CTNND1: variants seen among roughly 807,000 people sequenced by gnomAD.
CTNND1 encodes catenin delta-1.
In CTNND1, 16 loss-of-function variants were observed where a neutral mutation model predicts 112.1. The observed-to-expected ratio is 0.14, with a 90% CI of 0.10 to 0.22. CTNND1 has a LOEUF of 0.22. Ranked by LOEUF, CTNND1 falls within the 10% of genes least tolerant of loss-of-function variation. The pLI, the probability that CTNND1 is intolerant of heterozygous loss-of-function variation, is 1.00. For missense variants in CTNND1, 1,008 were observed against 1,257.0 expected (o/e 0.80, Z 3.00); for synonymous variants, 420 against 446.5 (o/e 0.94, Z 0.75).
rs770959244 is a variant in CTNND1 at position 57,814,298 on chromosome 11, TG to T, written c.2639-12del. 2.5e-6 allele frequency: 4 copies of T among 1,605,376 alleles called. No individual in the cohort carries two copies. In the Admixed American group the frequency reaches 6.7e-5, roughly 27 times the overall value. On this transcript the variant is annotated splice_polypyrimidine_tract_variant and intron_variant, in intron 17 of 20. Coordinates refer to ENST00000399050, the MANE Select transcript of CTNND1 (RefSeq NM_001085458.2). ...ATTGTTTTTGACATGGATAACTTTC[TG>T]ACTTCATACAGATAAGAAACCTGAT...
chr11:57,782,570 T>C (rs2059690124), intron 1 of CTNND1, among the ~76,000 whole-genome samples: 1 of 152,226 alleles, frequency 6.6e-6, no homozygotes, highest in African/African-American at 2.4e-5. Context: ...ATGGCTCAGC[T>C]GGAACAGTTG....
chr11:57,815,524 A>C (rs764497555), intron 19 of CTNND1, 24 bp downstream of exon 19: 2 of 1,529,302 alleles, frequency 1.3e-6, no homozygotes, highest in Middle Eastern at 1.7e-4. Flanking sequence ...ATATACTGCT[A>C]TCTGTCTAAG....
chr11:57,778,308 G>A (rs954337367), intron 1 of CTNND1, among the ~76,000 whole-genome samples: 13 of 151,992 alleles, frequency 8.6e-5, no homozygotes, highest in African/African-American at 3.1e-4. Context: ...TGATAGGGAA[G>A]GTGAAGTTCC....
chr11:57,814,326 G>A lies in CTNND1; in HGVS notation c.2654G>A (p.Arg885Gln), dbSNP rs371654993. Reference sequence around the variant, plus strand: ...CTTCATACAGATAAGAAACCTGATCGGGAAGAAATTCAGATGAGCAATATG... The same window carrying A: ...CTTCATACAGATAAGAAACCTGATCAGGAAGAAATTCAGATGAGCAATATG... ...RNQKSDKKPD[R>Q]EEIQMSNMGS... The change falls in exon 18 of 21, where the codon CGG becomes CAG. Residue 885 changes from arginine to glutamine, a missense_variant. This residue lies in a region of CTNND1 where 106 missense variants were observed against 116.2 expected (regional missense o/e 0.91). Transcript: ENST00000399050. 5.0e-6 allele frequency: 8 copies of A among 1,611,602 alleles called. No homozygotes were observed. The highest frequency in any genetic ancestry group is 1.3e-5 in the African/African-American group (1 of 75,014).
chr11:57,785,854 G>T (rs1209001072), intron 1 of CTNND1, among the ~76,000 whole-genome samples: 1 of 151,818 alleles, frequency 6.6e-6, no homozygotes, highest in Admixed American at 6.6e-5. Flanking sequence ...GCCGGTAAGT[G>T]ATTTTTTTGT....
intron 1 of CTNND1, among the ~76,000 whole-genome samples, chr11:57,765,890 G>A (rs1010401212): frequency 3.3e-5 from 5 of 152,134 alleles, no homozygotes; most frequent in Admixed American, 2.6e-4. Flanking sequence ...TAAGGATCTG[G>A]CCTGGTGCGG....
At chr11:57,769,252 G>C (rs1951943840) in intron 1 of CTNND1, among the ~76,000 whole-genome samples, 1 of 151,994 alleles carries the variant, frequency 6.6e-6, no homozygotes, top group South Asian at 2.1e-4. Context: ...GACCCGGGAG[G>C]TGGAGGTTGC....
Position 57,815,464 on chromosome 11 carries a change from C to T in CTNND1, c.2772C>T (p.Gly924=), listed in dbSNP as rs372445902. The change falls in exon 19 of 21, where the codon GGC becomes GGT. Residue 924 remains glycine, a synonymous_variant. Transcript: ENST00000399050. ...NRTLDRSGDL[G]DMEPLKGTTP... ...CACTGGATCGATCGGGGGATCTAGG[C>T]GACATGGAGCCATTGAAGGGAACAA... 1.6e-5 allele frequency: 25 copies of T among 1,612,000 alleles called. No individual in the cohort carries two copies. The highest frequency in any genetic ancestry group is 1.3e-4 in the African/African-American group (10 of 74,692).
intron 2 of CTNND1, among the ~76,000 whole-genome samples, chr11:57,790,928 G>T (rs2060671669): frequency 6.6e-6 from 1 of 152,012 alleles, no homozygotes; most frequent in South Asian, 2.1e-4. Context: ...CACTTCAGCA[G>T]TTTTAGTGTT....
At position 57,789,022 on chromosome 11, in the gene CTNND1, C is replaced by G. The variant is rs1367561004; in HGVS notation, c.-213-15C>G. ...TTTCCTCTCATTCCCATTTTTCCTTCAAATATTTCTGCAGCTCTCTCCTTC... is the reference window on the plus strand; with the variant it reads ...TTTCCTCTCATTCCCATTTTTCCTTGAAATATTTCTGCAGCTCTCTCCTTC... On this transcript the variant is annotated splice_polypyrimidine_tract_variant and intron_variant, in intron 1 of 20. Transcript: ENST00000399050. 2 of 1,521,162 alleles carry G rather than the reference C, an allele frequency of 1.3e-6. No individual in the cohort carries two copies. Among genetic ancestry groups the G allele is most frequent in the African/African-American group, 2.7e-5 (2 of 72,800 alleles). 94.2% of individuals were successfully genotyped at this position (1,521,162 alleles called of 1,614,324 possible).
At chr11:57,769,307 G>T (rs1446226110) in intron 1 of CTNND1, among the ~76,000 whole-genome samples, 1 of 151,592 alleles carries the variant, frequency 6.6e-6, no homozygotes, top group Non-Finnish European at 1.5e-5. Flanking sequence ...GGGCGACAGG[G>T]CGAGACTCCG....
intron 4 of CTNND1, among the ~76,000 whole-genome samples, chr11:57,795,053 G>A (rs11229131): frequency 0.25 from 37,954 of 151,942 alleles, 5,547 homozygotes; most frequent in Non-Finnish European, 0.33. Flanking sequence ...AATTAGCCAG[G>A]CATGGTGGCG....
At chr11:57,768,050 G>A (rs895188266) in intron 1 of CTNND1, among the ~76,000 whole-genome samples, 2 of 151,942 alleles carry the variant, frequency 1.3e-5, no homozygotes, top group African/African-American at 4.8e-5. Flanking sequence ...GGCCAGGCTG[G>A]TCTCGAACTC....
At chr11:57,793,970 G>A (rs1416526690) in intron 3 of CTNND1, 40 bp from the exon 4 acceptor site, 2 of 1,603,466 alleles carry the variant, frequency 1.2e-6, no homozygotes, top group Non-Finnish European at 1.7e-6. Flanking sequence ...AGCAAAAGAA[G>A]GCCACAAAAT....
At position 57,814,314 on chromosome 11, in the gene CTNND1, A is replaced by C. The variant is rs80355324; in HGVS notation, c.2642A>C (p.Lys881Thr). The stretch of plus-strand genomic sequence containing the variant: ...ATAACTTTCTGACTTCATACAGATA[A>C]GAAACCTGATCGGGAAGAAATTCAG... ...PLIDRNQKSD[K>T]KPDREEIQMS... The change falls in exon 18 of 21, where the codon AAG becomes ACG. Residue 881 changes from lysine to threonine, a missense_variant. Transcript: ENST00000399050. 1,049 of 1,611,000 alleles carry C rather than the reference A, an allele frequency of 6.5e-4. 6 individuals carry two copies. The African/African-American group carries it at 0.013, about 20-fold the overall frequency.
chr11:57,770,351 AAAAG>A (rs1458556956), intron 1 of CTNND1, among the ~76,000 whole-genome samples: 2 of 151,406 alleles, frequency 1.3e-5, no homozygotes, highest in Admixed American at 6.6e-5. Context: ...ATAAAAAAAA[AAAAG>A]AAAGATTTTT....
chr11:57,793,491 T>G (rs1411032792), intron 3 of CTNND1, among the ~76,000 whole-genome samples: 1 of 152,228 alleles, frequency 6.6e-6, no homozygotes, highest in Non-Finnish European at 1.5e-5. Flanking sequence ...GATAGCCATC[T>G]TGCTTCTTTC....
At chr11:57,794,701 C>T (rs1231017130) in intron 4 of CTNND1, among the ~76,000 whole-genome samples, 1 of 151,546 alleles carries the variant, frequency 6.6e-6, no homozygotes. Flanking sequence ...AGGAGAATTG[C>T]TTGAAACCAG....
At chr11:57,813,191 G>T (rs2063572664) in intron 17 of CTNND1, among the ~76,000 whole-genome samples, 1 of 152,048 alleles carries the variant, frequency 6.6e-6, no homozygotes, top group African/African-American at 2.4e-5. Flanking sequence ...AGGCATGGTG[G>T]CACATTCCTG....
Sources: gnomAD v4.1 joint callset for allele counts (sites outside exome capture counted in the v4.1 genomes callset) on GRCh38, gnomAD v4.1.1 for gene constraint, gnomAD v4.1.1 regional missense constraint, MANE v1.5 for transcripts, NCBI Gene and HGNC (gene_info 2026-07-23, HGNC 2026-07-21) for gene names.